Variants in SPOCK1 observed in about 807,000 individuals in gnomAD.
SPOCK1 encodes testican-1.
A neutral mutation model predicts 55.3 loss-of-function variants in SPOCK1; 23 were observed. That is an observed-to-expected ratio of 0.42 (90% CI 0.30 to 0.59). The LOEUF is 0.59. SPOCK1 is among the 20% of genes least tolerant of loss of function. The pLI, the probability that SPOCK1 is intolerant of heterozygous loss-of-function variation, is 0.22. For missense variants in SPOCK1, 499 were observed against 552.5 expected, an observed-to-expected ratio of 0.90 and a Z score of 0.97; for synonymous variants, 226 against 221.0, an observed-to-expected ratio of 1.02 and a Z score of -0.20.
intron 6 of SPOCK1, among the ~76,000 whole-genome samples, chr5:137,018,600 TC>T (rs1751497536): frequency 6.6e-6 from 1 of 151,984 alleles, no homozygotes. Context: ...AATCACCCCT[TC>T]CCCCCATTAG....
chr5:137,197,816 T>C (rs1228508461), intron 3 of SPOCK1, among the ~76,000 whole-genome samples: 2 of 152,220 alleles, frequency 1.3e-5, no homozygotes, highest in African/African-American at 2.4e-5. Flanking sequence ...ATGGCTATGA[T>C]AGTATTTCCC....
At chr5:137,187,626 C>T (rs76245514) in intron 3 of SPOCK1, among the ~76,000 whole-genome samples, 1 of 152,102 alleles carries the variant, frequency 6.6e-6, no homozygotes, top group Admixed American at 6.5e-5. Flanking sequence ...GAGTACCCAG[C>T]GTGTACCAGG....
intron 2 of SPOCK1, among the ~76,000 whole-genome samples, chr5:137,497,148 G>C (rs1754316462): frequency 6.6e-6 from 1 of 152,198 alleles, no homozygotes; most frequent in Admixed American, 6.5e-5. Flanking sequence ...CAGATACTGA[G>C]AGCAGAGCTT....
At chr5:137,218,270 A>T (rs1365360489) in intron 3 of SPOCK1, among the ~76,000 whole-genome samples, 1 of 152,236 alleles carries the variant, frequency 6.6e-6, no homozygotes, top group Non-Finnish European at 1.5e-5. Context: ...TAATGGGTTG[A>T]TGGTAAGATC....
At chr5:137,078,380 C>T (rs1040258506) in intron 5 of SPOCK1, among the ~76,000 whole-genome samples, 10 of 152,206 alleles carry the variant, frequency 6.6e-5, no homozygotes, top group Non-Finnish European at 1.5e-4. Flanking sequence ...TCCATGCTGC[C>T]TGTTCCCCAC....
intron 3 of SPOCK1, among the ~76,000 whole-genome samples, chr5:137,239,719 A>C (rs1756247730): frequency 6.6e-6 from 1 of 152,218 alleles, no homozygotes; most frequent in Non-Finnish European, 1.5e-5. Flanking sequence ...ATGTCTATAG[A>C]GAAAAAGTTT....
At chr5:137,368,015 AGGC>A (rs1202922288) in intron 2 of SPOCK1, among the ~76,000 whole-genome samples, 1 of 152,210 alleles carries the variant, frequency 6.6e-6, no homozygotes, top group Non-Finnish European at 1.5e-5. Context: ...CGCCCCCAAA[AGGC>A]AGTTTCACTA....
At chr5:136,989,308 A>G (rs1282527233) in intron 7 of SPOCK1, among the ~76,000 whole-genome samples, 1 of 152,100 alleles carries the variant, frequency 6.6e-6, no homozygotes, top group East Asian at 1.9e-4. Context: ...ATTTGTTTCC[A>G]CAATGGAAAG....
chr5:137,209,287 G>A (rs1459391745), intron 3 of SPOCK1, among the ~76,000 whole-genome samples: 2 of 152,084 alleles, frequency 1.3e-5, no homozygotes, highest in Non-Finnish European at 1.5e-5. Context: ...TATATTTTCT[G>A]TTGGGTAATT....
chr5:137,123,694 G>C (rs1260763897), intron 4 of SPOCK1, among the ~76,000 whole-genome samples: 1 of 152,114 alleles, frequency 6.6e-6, no homozygotes, highest in Non-Finnish European at 1.5e-5. Flanking sequence ...ACACAGGAAA[G>C]CTACCTCAGA....
intron 2 of SPOCK1, among the ~76,000 whole-genome samples, chr5:137,382,583 G>A (rs1751495285): frequency 6.6e-6 from 1 of 152,224 alleles, no homozygotes; most frequent in African/African-American, 2.4e-5. Context: ...GGCAGAAGGT[G>A]AAGGGGAAGC....
At chr5:137,270,206 A>G (rs1756935869) in intron 2 of SPOCK1, among the ~76,000 whole-genome samples, 1 of 152,262 alleles carries the variant, frequency 6.6e-6, no homozygotes, top group South Asian at 2.1e-4. Flanking sequence ...CATATTGGAT[A>G]GATCAAACTT....
chr5:137,294,398 G>T (rs73291397), intron 2 of SPOCK1, among the ~76,000 whole-genome samples: 2 of 152,168 alleles, frequency 1.3e-5, no homozygotes, highest in African/African-American at 4.8e-5. Context: ...AAGAGACTGA[G>T]ATCCAAGAAG....
intron 2 of SPOCK1, among the ~76,000 whole-genome samples, chr5:137,457,588 G>A (rs1753392179): frequency 1.3e-5 from 2 of 152,168 alleles, no homozygotes; most frequent in African/African-American, 4.8e-5. Flanking sequence ...TATGCAGTGT[G>A]GCAGTCCTCT....
At chr5:137,241,080 T>C (rs998146601) in intron 3 of SPOCK1, among the ~76,000 whole-genome samples, 1 of 152,124 alleles carries the variant, frequency 6.6e-6, no homozygotes, top group Middle Eastern at 3.2e-3. Flanking sequence ...GATAATGAGA[T>C]TGATAGGAAA....
chr5:137,133,952 TG>T (rs1753930764), intron 4 of SPOCK1, among the ~76,000 whole-genome samples: 1 of 6,240 alleles, frequency 1.6e-4, no homozygotes, highest in East Asian at 4.6e-3. Context: ...GCAGATGGGC[TG>T]GGGGTGGGGG....
At chr5:137,011,504 T>G (rs6881235) in intron 6 of SPOCK1, among the ~76,000 whole-genome samples, 58,824 of 151,952 alleles carry the variant, frequency 0.39, 12,398 homozygotes, top group South Asian at 0.53. Context: ...TCCCAGCATG[T>G]TTTTCTCCCT....
At chr5:137,184,118 T>C (rs1005863141) in intron 3 of SPOCK1, among the ~76,000 whole-genome samples, 2 of 152,064 alleles carry the variant, frequency 1.3e-5, no homozygotes, top group Admixed American at 6.5e-5. Context: ...AAGAACAAAT[T>C]TTACCAATTT....
intron 2 of SPOCK1, among the ~76,000 whole-genome samples, chr5:137,339,995 C>A (rs1334261952): frequency 6.6e-6 from 1 of 152,152 alleles, no homozygotes; most frequent in Non-Finnish European, 1.5e-5. Context: ...GTCTTCTCAT[C>A]CTTCCAGGTA....
Sources: gnomAD v4.1 joint callset for allele counts (sites outside exome capture counted in the v4.1 genomes callset) on GRCh38, gnomAD v4.1.1 for gene constraint, MANE v1.5 for transcripts, NCBI Gene and HGNC (gene_info 2026-07-23, HGNC 2026-07-21) for gene names.